The following LAMA4 variants were observed in gnomAD, a reference collection of about 807,000 sequenced individuals.
The protein encoded by LAMA4 is laminin subunit alpha 4, also known as laminin subunit alpha-4.
Under a neutral mutation model 207.1 loss-of-function variants are expected in LAMA4, and 127 were observed. The observed-to-expected ratio is 0.61, with a 90% CI of 0.53 to 0.71. The LOEUF is 0.71. LAMA4 is among the 30% of genes least tolerant of loss of function. LAMA4 has a pLI of 0.00. For missense variants in LAMA4, 2,093 were observed against 2,246.5 expected (o/e 0.93, Z 1.38); for synonymous variants, 761 against 816.0 (o/e 0.93, Z 1.15).
Position 112,117,943 on chromosome 6 carries a change from A to C in LAMA4, c.4822-45T>G. 1 of 1,567,820 alleles carries C rather than the reference A, an allele frequency of 6.4e-7. No homozygotes were observed. Among genetic ancestry groups the C allele is most frequent in the Non-Finnish European group, 8.8e-7 (1 of 1,140,410 alleles). The stretch of plus-strand genomic sequence containing the variant: ...CTTAAAATCAATTTTCTCAACACAA[A>C]TGCACCAAGGGGAAGCAAAATGAGG... On this transcript the variant is annotated intron_variant, in intron 34 of 38. Transcript: ENST00000230538. This position sits in a 1 kb window ranked among gnomAD's most constrained non-coding sequence, Gnocchi z 4.5.
At chr6:112,191,001 T>C (rs1464908353) in intron 6 of LAMA4, among the ~76,000 whole-genome samples, 1 of 150,164 alleles carries the variant, frequency 6.7e-6, no homozygotes, top group Non-Finnish European at 1.5e-5. Context: ...CTTTCTTTCT[T>C]TCTTTCTCTC....
intron 12 of LAMA4, among the ~76,000 whole-genome samples, chr6:112,168,702 G>C (rs570888039): frequency 6.6e-6 from 1 of 151,876 alleles, no homozygotes; most frequent in East Asian, 1.9e-4. Flanking sequence ...TTATACATGC[G>C]AACAAGTGCA....
At chr6:112,126,587 GA>G (rs1195463538) in intron 31 of LAMA4, among the ~76,000 whole-genome samples, 1 of 152,110 alleles carries the variant, frequency 6.6e-6, no homozygotes, top group African/African-American at 2.4e-5. Flanking sequence ...CAAGAGGATT[GA>G]AAAAAGTAGT....
chr6:112,114,208 G>T lies in LAMA4; in HGVS notation c.5207-13C>A, dbSNP rs2114553936. 6.2e-7 allele frequency: 1 copy of T among 1,613,138 alleles called. No individual in the cohort carries two copies. The highest frequency in any genetic ancestry group is 1.1e-5 in the South Asian group (1 of 91,048). ...GAATCTCTAATAACTGAAATGCAGG[G>T]CAAAGACTGGTCATAAGTGGCACTG... is the stretch of plus-strand genomic sequence containing the variant. On this transcript the variant is annotated splice_polypyrimidine_tract_variant and intron_variant, in intron 37 of 38. Coordinates refer to ENST00000230538, the MANE Select transcript of LAMA4 (RefSeq NM_001105206.3).
intron 12 of LAMA4, chr6:112,172,336 C>A: frequency 2.5e-6 from 1 of 407,422 alleles, no homozygotes; most frequent in Non-Finnish European, 4.5e-6. Flanking sequence ...GCATTGCTTA[C>A]CCACTTGCAA....
At chr6:112,173,116 C>A (rs1554342514) in intron 11 of LAMA4, among the ~76,000 whole-genome samples, 1 of 152,052 alleles carries the variant, frequency 6.6e-6, no homozygotes, top group African/African-American at 2.4e-5. Context: ...AATAATTTTA[C>A]TGTGTAAAGG....
intron 16 of LAMA4, among the ~76,000 whole-genome samples, chr6:112,154,357 C>CAAAAAAAAAAA (rs55988988): frequency 2.0e-4 from 24 of 120,244 alleles, no homozygotes; most frequent in South Asian, 2.7e-4. Context: ...ACACAAACTA[C>CAAAAAAAAAAA]AAAAAAAAAA....
At chr6:112,215,417 A>C (rs1216876455) in intron 3 of LAMA4, among the ~76,000 whole-genome samples, 2 of 152,244 alleles carry the variant, frequency 1.3e-5, no homozygotes, top group Non-Finnish European at 2.9e-5. Context: ...CACACCTAAG[A>C]GGCCATTTAA....
intron 3 of LAMA4, among the ~76,000 whole-genome samples, chr6:112,207,929 C>T (rs918299174): frequency 2.6e-5 from 4 of 152,192 alleles, no homozygotes; most frequent in African/African-American, 9.6e-5. Flanking sequence ...AGCCTCATCA[C>T]CCCTCCCCAA....
At position 112,206,948 on chromosome 6, in the gene LAMA4, A is replaced by AAAACAAAACAAAACG. The variant is rs1426180858; in HGVS notation, c.422+72_422+73insCGTTTTGTTTTGTTT. On this transcript the variant is annotated intron_variant, in intron 4 of 38. Coordinates refer to ENST00000230538, the MANE Select transcript of LAMA4 (RefSeq NM_001105206.3). ...AAACCTCAGAACTCTGGGATAAGGCAAAACAAAACAAAACAAAACAAAACA... is the reference window on the plus strand; with the variant it reads ...AAACCTCAGAACTCTGGGATAAGGCAAAACAAAACAAAACGAAACAAAACAAAACAAAACAAAACA... 96 of 1,464,800 alleles carry AAAACAAAACAAAACG rather than the reference A, an allele frequency of 6.6e-5. No homozygotes were observed. The African/African-American group carries it at 1.2e-3, about 18-fold the overall frequency. 90.7% of individuals were successfully genotyped at this position (1,464,800 alleles called of 1,614,324 possible).
intron 13 of LAMA4, chr6:112,161,890 T>C (rs956790190): frequency 3.3e-5 from 5 of 151,274 alleles, no homozygotes; most frequent in African/African-American, 1.2e-4. Flanking sequence ...GAGAAAAGAG[T>C]TGGGTATGTG....
Position 112,187,548 on chromosome 6 carries a change from A to C in LAMA4, c.868T>G (p.Ser290Ala), listed in dbSNP as rs782433369. 5 of 1,613,930 alleles carry C rather than the reference A, an allele frequency of 3.1e-6. No individual in the cohort carries two copies. The highest frequency in any genetic ancestry group is 2.2e-5 in the East Asian group (1 of 44,866). Residue 290 changes from serine to alanine, a missense_variant, in exon 8 of 39, where the codon TCC (serine) becomes GCC (alanine). This residue lies in a region of LAMA4 where 1,704 missense variants were observed against 1,788.4 expected (regional missense o/e 0.95). Coordinates refer to ENST00000230538, the MANE Select transcript of LAMA4 (RefSeq NM_001105206.3). ...ACCCCGGATTTGCCTTCCTCGATGGAGAGCGCTGCTAACCGCAGGTCATCA... is the reference window on the plus strand; with the variant it reads ...ACCCCGGATTTGCCTTCCTCGATGGCGAGCGCTGCTAACCGCAGGTCATCA... The part of the protein sequence containing the change: ...LTDDLRLAAL[S>A]IEEGKSGVLS...
At chr6:112,192,179 C>T (rs1185149262) in intron 5 of LAMA4, among the ~76,000 whole-genome samples, 1 of 152,208 alleles carries the variant, frequency 6.6e-6, no homozygotes, top group African/African-American at 2.4e-5. Context: ...GCCAAAGGTA[C>T]TGCAATGAGA....
Position 112,254,228 on chromosome 6 carries a change from G to A in LAMA4, c.-78C>T, listed in dbSNP as rs782785885. On this transcript the variant is annotated 5_prime_UTR_variant, in exon 2 of 39. Coordinates refer to ENST00000230538, the MANE Select transcript of LAMA4 (RefSeq NM_001105206.3). Reference sequence around the variant, plus strand: ...CCGTAGGTCTCCCGCGTGGTGCGGCGGTGCCTCGCTTATTTTCCCTCCTCT... The same window carrying A: ...CCGTAGGTCTCCCGCGTGGTGCGGCAGTGCCTCGCTTATTTTCCCTCCTCT... The A allele has an allele frequency of 1.3e-5, 21 of 1,579,012 alleles. No individual in the cohort carries two copies. Among genetic ancestry groups the A allele is most frequent in the Non-Finnish European group, 1.8e-5 (21 of 1,155,774 alleles).
At chr6:112,238,566 C>T (rs947363540) in intron 2 of LAMA4, among the ~76,000 whole-genome samples, 1 of 151,800 alleles carries the variant, frequency 6.6e-6, no homozygotes, top group Non-Finnish European at 1.5e-5. Context: ...AAAAATTAGT[C>T]AGGCGTACTG....
chr6:112,116,244 G>T (rs587609299), intron 35 of LAMA4, among the ~76,000 whole-genome samples: 27 of 152,310 alleles, frequency 1.8e-4, no homozygotes, highest in Admixed American at 3.3e-4. Flanking sequence ...TGTTATGGGA[G>T]CTCAGGGGAG....
At chr6:112,126,488 C>T (rs1334988130) in intron 31 of LAMA4, among the ~76,000 whole-genome samples, 1 of 152,064 alleles carries the variant, frequency 6.6e-6, no homozygotes, top group Non-Finnish European at 1.5e-5. Flanking sequence ...GGAAGAGATC[C>T]TAAGAAACTA....
At chr6:112,253,496 T>C (rs570293806) in intron 2 of LAMA4, 2 of 416,968 alleles carry the variant, frequency 4.8e-6, no homozygotes, top group East Asian at 5.4e-5. Flanking sequence ...TCACCTTCCC[T>C]GCTGCAGAAG....
At chr6:112,180,592 A>C (rs1554345084) in intron 9 of LAMA4, among the ~76,000 whole-genome samples, 1 of 152,266 alleles carries the variant, frequency 6.6e-6, no homozygotes, top group African/African-American at 2.4e-5. Context: ...TCATTTGCTC[A>C]TCTCAACAGA....
Sources: gnomAD v4.1 joint callset for allele counts (sites outside exome capture counted in the v4.1 genomes callset) on GRCh38, gnomAD v4.1.1 for gene constraint, gnomAD v4.1.1 regional missense constraint, Gnocchi (gnomAD v3.1) non-coding constraint, MANE v1.5 for transcripts, NCBI Gene and HGNC (gene_info 2026-07-23, HGNC 2026-07-21) for gene names.